Variants in RPS6KA3 observed in about 807,000 individuals in gnomAD.
The protein encoded by RPS6KA3 is ribosomal protein S6 kinase alpha-3.
RPS6KA3 carries 4 observed loss-of-function variants against 67.2 expected under a neutral mutation model. The ratio of observed to expected loss-of-function variants is 0.06; its 90% CI spans 0.03 to 0.14. The LOEUF is 0.14. Ranked by LOEUF, RPS6KA3 falls within the 10% of genes least tolerant of loss-of-function variation. The pLI, the probability that RPS6KA3 is intolerant of heterozygous loss-of-function variation, is 1.00. For synonymous variants in RPS6KA3, 182 were observed against 183.7 expected (o/e 0.99, Z 0.07); for missense variants, 204 against 559.0 (o/e 0.36, Z 6.40).
intron 2 of RPS6KA3, among the ~76,000 whole-genome samples, chrX:20,223,533 T>A (rs1016171012): frequency 8.9e-6 from 1 of 112,226 alleles, no homozygotes; most frequent in African/African-American, 3.2e-5. Context: ...AACTTTCATA[T>A]TGGTATACTG....
chrX:20,213,753 A>G (rs1463313977), intron 2 of RPS6KA3, among the ~76,000 whole-genome samples: 1 of 110,267 alleles, frequency 9.1e-6, no homozygotes, highest in African/African-American at 3.3e-5. Flanking sequence ...AAGAAAATTA[A>G]CATTTCCTCC....
At chrX:20,260,510 G>A (rs2070196526) in intron 1 of RPS6KA3, among the ~76,000 whole-genome samples, 1 of 111,115 alleles carries the variant, frequency 9.0e-6, no homozygotes, top group Non-Finnish European at 1.9e-5. Flanking sequence ...ATGCAAAAAG[G>A]GTAAGATTAA....
intron 9 of RPS6KA3, among the ~76,000 whole-genome samples, chrX:20,187,578 T>C (rs190310250): frequency 1.9e-3 from 210 of 112,122 alleles, no homozygotes; most frequent in African/African-American, 6.4e-3. Context: ...ACACCATTAA[T>C]GCTTTAGATT....
intron 15 of RPS6KA3, among the ~76,000 whole-genome samples, chrX:20,170,284 C>A (rs1489607000): frequency 8.9e-6 from 1 of 111,767 alleles, no homozygotes; most frequent in Non-Finnish European, 1.9e-5. Context: ...TTTGTATGTT[C>A]AATTTTAAAC....
At chrX:20,219,453 T>C (rs1389969942) in intron 2 of RPS6KA3, among the ~76,000 whole-genome samples, 1 of 111,950 alleles carries the variant, frequency 8.9e-6, no homozygotes, top group Non-Finnish European at 1.9e-5. Context: ...TTTAAAATTG[T>C]GATGTAAGGA....
chrX:20,252,050 A>G (rs1241222880), intron 1 of RPS6KA3, among the ~76,000 whole-genome samples: 1 of 111,288 alleles, frequency 9.0e-6, no homozygotes, highest in Non-Finnish European at 1.9e-5. Flanking sequence ...CTATTGCTTT[A>G]TCTCCAATGT....
At chrX:20,161,813 G>A in intron 19 of RPS6KA3, 52 bp from the exon 20 acceptor site, 1 of 425,839 alleles carries the variant, frequency 2.3e-6, no homozygotes, top group African/African-American at 2.6e-5. Flanking sequence ...TTACTTGGTT[G>A]GTAATCTCAA....
chrX:20,253,582 A>G (rs2069947455), intron 1 of RPS6KA3, among the ~76,000 whole-genome samples: 1 of 111,303 alleles, frequency 9.0e-6, no homozygotes, highest in Non-Finnish European at 1.9e-5. Context: ...AGGGAGATCA[A>G]GGAGGAATAG....
At chrX:20,202,901 T>C (rs1316231822) in intron 4 of RPS6KA3, among the ~76,000 whole-genome samples, 2 of 111,778 alleles carry the variant, frequency 1.8e-5, no homozygotes, top group East Asian at 5.6e-4. Flanking sequence ...TTTAATTCCC[T>C]GGTCCTAGCA....
chrX:20,187,725 C>A, intron 9 of RPS6KA3, 103 bp downstream of exon 9: 1 of 684,582 alleles, frequency 1.5e-6, no homozygotes, highest in Admixed American at 2.2e-5. Context: ...TTACATATGG[C>A]ATAAAATAAA....
chrX:20,196,763 A>G (rs1231065254), intron 4 of RPS6KA3, among the ~76,000 whole-genome samples: 4 of 112,030 alleles, frequency 3.6e-5, no homozygotes, highest in Non-Finnish European at 7.5e-5. Context: ...TCCAGTTAGT[A>G]TATCAAATTC....
chrX:20,255,789 C>CAAA (rs766544803), intron 1 of RPS6KA3, among the ~76,000 whole-genome samples: 8 of 17,151 alleles, frequency 4.7e-4, no homozygotes, highest in East Asian at 1.9e-3. Context: ...AATTTCGTCT[C>CAAA]AAAAAAAAAA....
At chrX:20,192,686 G>A (rs925362159) in intron 7 of RPS6KA3, among the ~76,000 whole-genome samples, 7 of 94,482 alleles carry the variant, frequency 7.4e-5, no homozygotes, top group Admixed American at 6.5e-4. Flanking sequence ...CTGCAGCCTC[G>A]ATGCCCCAAG....
intron 7 of RPS6KA3, among the ~76,000 whole-genome samples, chrX:20,191,379 T>C (rs2068123049): frequency 8.9e-6 from 1 of 111,826 alleles, no homozygotes. Context: ...CGTTTGGGTA[T>C]ATACATGGTA....
At chrX:20,223,740 T>C (rs1368614396) in intron 2 of RPS6KA3, among the ~76,000 whole-genome samples, 1 of 111,934 alleles carries the variant, frequency 8.9e-6, no homozygotes, top group African/African-American at 3.2e-5. Context: ...ATCTCAGACG[T>C]TATATCATTT....
At chrX:20,212,970 T>G (rs1334408169) in intron 2 of RPS6KA3, among the ~76,000 whole-genome samples, 1 of 111,780 alleles carries the variant, frequency 8.9e-6, no homozygotes, top group East Asian at 2.8e-4. Flanking sequence ...AATTCATCTT[T>G]TTGACAAATT....
At chrX:20,259,573 A>G (rs1477697295) in intron 1 of RPS6KA3, among the ~76,000 whole-genome samples, 3 of 111,841 alleles carry the variant, frequency 2.7e-5, no homozygotes, top group Admixed American at 9.5e-5. Flanking sequence ...TCAATTAAAC[A>G]TAACAGCTCA....
chrX:20,188,936 T>C (rs1046506896), intron 7 of RPS6KA3, among the ~76,000 whole-genome samples: 2 of 112,346 alleles, frequency 1.8e-5, no homozygotes, highest in African/African-American at 6.5e-5. Flanking sequence ...TATTTTATTT[T>C]GCCTTTTTTT....
chrX:20,245,947 G>A (rs986361219), intron 1 of RPS6KA3, among the ~76,000 whole-genome samples: 6 of 109,337 alleles, frequency 5.5e-5, no homozygotes, highest in Non-Finnish European at 1.1e-4. Context: ...GTGAAACCCC[G>A]TCTCTACTAA....
Sources: allele counts gnomAD v4.1 joint callset (sites outside exome capture counted in the v4.1 genomes callset), GRCh38; gene constraint gnomAD v4.1.1; transcripts MANE v1.5; gene names NCBI Gene and HGNC (gene_info 2026-07-23, HGNC 2026-07-21).